CACNA1C: variants seen among roughly 807,000 people sequenced by gnomAD.
CACNA1C encodes the protein calcium voltage-gated channel subunit alpha1 C, also known as voltage-dependent L-type calcium channel subunit alpha-1C.
In CACNA1C, 30 loss-of-function variants were observed where a neutral mutation model predicts 229.0. The observed-to-expected ratio is 0.13, with a 90% CI of 0.10 to 0.18. CACNA1C has a LOEUF of 0.18. Among genes scored for constraint, CACNA1C ranks in the 10% least tolerant of loss-of-function variants. The pLI is 1.00. For missense variants in CACNA1C, 1,658 were observed against 2,845.0 expected (o/e 0.58, Z 9.49); for synonymous variants, 1,114 against 1,132.5 (o/e 0.98, Z 0.33).
intron 39 of CACNA1C, 135 bp downstream of exon 39, chr12:2,674,777 G>T (rs2096719865): frequency 1.2e-6 from 1 of 836,188 alleles, no homozygotes; most frequent in Non-Finnish European, 1.8e-6. Flanking sequence ...CCCTAGGCTT[G>T]CTGGAGGTCT....
intron 9 of CACNA1C, among the ~76,000 whole-genome samples, chr12:2,518,130 G>A (rs951733164): frequency 3.9e-5 from 6 of 152,182 alleles, no homozygotes; most frequent in South Asian, 2.1e-4. Flanking sequence ...GCAGAGCCAC[G>A]TGCCTGCTGC....
intron 3 of CACNA1C, among the ~76,000 whole-genome samples, chr12:2,424,141 A>G (rs879072820): frequency 1.3e-5 from 2 of 152,354 alleles, no homozygotes; most frequent in South Asian, 4.1e-4. Context: ...CAGCGCCACA[A>G]GCTGAGGCTA....
Position 2,077,532 on chromosome 12 carries a change from A to G in CACNA1C, c.49+23921A>G, listed in dbSNP as rs537926771. On this transcript the variant is annotated intron_variant, in intron 1 of 46. Transcript: ENST00000399655. ...ATGTCAGGAACTTTATGTGACTTGT[A>G]TAACTTAATTCTCACAACAACCCTG... is the stretch of plus-strand genomic sequence containing the variant. 2.6e-5 allele frequency among the ~76,000 whole-genome samples: 4 copies of G among 152,262 alleles called. No individual in the cohort carries two copies. In the South Asian group the frequency reaches 8.3e-4, roughly 32 times the overall value.
At chr12:2,135,919 T>G (rs1257815686) in intron 3 of CACNA1C, among the ~76,000 whole-genome samples, 5 of 149,188 alleles carry the variant, frequency 3.4e-5, no homozygotes, top group African/African-American at 1.3e-4. Flanking sequence ...GCTGCCGCCT[T>G]GCAGTTTGAT....
In CACNA1C at chr12:2,226,077, C is replaced by T. The variant is rs371126497; in HGVS notation, c.477+105647C>T. Among the ~76,000 whole-genome samples the T allele has an allele frequency of 2.6e-4, 39 of 150,548 alleles. 1 individual carries two copies. In the South Asian group the frequency reaches 8.0e-3, roughly 31 times the overall value. ...CTAACTAAATTATTTCCTGTGACTTCTTAGAAAAGCTGAACTCCCAAGGTA... is the reference window on the plus strand; with the variant it reads ...CTAACTAAATTATTTCCTGTGACTTTTTAGAAAAGCTGAACTCCCAAGGTA... On this transcript the variant is annotated intron_variant, in intron 3 of 46. Coordinates refer to ENST00000399655, the MANE Select transcript of CACNA1C (RefSeq NM_000719.7).
chr12:2,362,933 C>T lies in CACNA1C; in HGVS notation c.478-86043C>T, dbSNP rs191435127. On this transcript the variant is annotated intron_variant, in intron 3 of 46. Transcript: ENST00000399655. Reference sequence around the variant, plus strand: ...GGATGATAAAAGATGGTTTCTCACCCTAAGGAAATCTCTACATAAAAGAAG... The same window carrying T: ...GGATGATAAAAGATGGTTTCTCACCTTAAGGAAATCTCTACATAAAAGAAG... Among the ~76,000 whole-genome samples, 204 of 152,316 alleles carry T rather than the reference C, an allele frequency of 1.3e-3. 3 individuals carry two copies. The highest frequency in any genetic ancestry group is 0.011 in the Admixed American group (175 of 15,304).
intron 1 of CACNA1C, among the ~76,000 whole-genome samples, chr12:2,017,213 G>GCTAC (rs2045548197): frequency 6.6e-6 from 1 of 152,224 alleles, no homozygotes. Flanking sequence ...AGACTGGGAT[G>GCTAC]GTGGCACTCT....
chr12:1,984,186 C>T (rs2036968579), intron 1 of CACNA1C, among the ~76,000 whole-genome samples: 1 of 151,962 alleles, frequency 6.6e-6, no homozygotes, highest in African/African-American at 2.4e-5. Context: ...TCCAATCTGG[C>T]AATCTCTTTT....
chr12:2,039,559 G>A (rs142187714), intron 1 of CACNA1C, among the ~76,000 whole-genome samples: 169 of 152,274 alleles, frequency 1.1e-3, no homozygotes, highest in African/African-American at 3.9e-3. Flanking sequence ...GTACAACATC[G>A]TTCTTGCCCT....
intron 3 of CACNA1C, among the ~76,000 whole-genome samples, chr12:2,256,072 T>TAGTTTACAACCACACGACCCTGACCTG: frequency 1.5e-4 from 1 of 6,784 alleles, no homozygotes; most frequent in South Asian, 5.1e-3. Flanking sequence ...ATCCTGACCT[T>TAGTTTACAACCACACGACCCTGACCTG]ACTAGTTTAC....
At chr12:2,292,399 C>G (rs537439971) in intron 3 of CACNA1C, among the ~76,000 whole-genome samples, 3 of 152,124 alleles carry the variant, frequency 2.0e-5, no homozygotes, top group Non-Finnish European at 4.4e-5. Context: ...AAACAGAGCA[C>G]GTTTGTTGAT....
chr12:1,985,707 G>A (rs1025195091), intron 1 of CACNA1C, among the ~76,000 whole-genome samples: 1 of 152,198 alleles, frequency 6.6e-6, no homozygotes, highest in African/African-American at 2.4e-5. Context: ...ACCCTCCAGA[G>A]AATGTTCACT....
intron 1 of CACNA1C, among the ~76,000 whole-genome samples, chr12:2,017,138 A>G (rs2045535330): frequency 6.6e-6 from 1 of 152,210 alleles, no homozygotes; most frequent in East Asian, 1.9e-4. Flanking sequence ...TACAATTTAG[A>G]AAATTGGAAA....
At chr12:2,457,784 C>A in intron 5 of CACNA1C, 78 bp downstream of exon 5, 2 of 1,263,056 alleles carry the variant, frequency 1.6e-6, no homozygotes, top group Non-Finnish European at 2.1e-6. Flanking sequence ...GCCAAGAACA[C>A]TCTGCAAAGG....
intron 6 of CACNA1C, among the ~76,000 whole-genome samples, chr12:2,491,445 G>A (rs956918824): frequency 6.6e-6 from 1 of 151,092 alleles, no homozygotes; most frequent in African/African-American, 2.4e-5. Context: ...AGGAGGAGGA[G>A]GAAAAGGAGG....
chr12:2,526,906 G>C (rs1419597250), intron 9 of CACNA1C, among the ~76,000 whole-genome samples: 1 of 152,300 alleles, frequency 6.6e-6, no homozygotes, highest in Non-Finnish European at 1.5e-5. Context: ...AAGATCTGCA[G>C]GGCCGAGCCA....
chr12:2,613,855 G>A (rs1298324609), intron 29 of CACNA1C: 6 of 152,650 alleles, frequency 3.9e-5, no homozygotes, highest in Non-Finnish European at 8.8e-5. Flanking sequence ...CCTCAGTCTC[G>A]GATGACTCCT....
chr12:2,342,087 A>G, intron 3 of CACNA1C, among the ~76,000 whole-genome samples: 1 of 152,188 alleles, frequency 6.6e-6, no homozygotes, highest in East Asian at 1.9e-4. Context: ...AGAGTAGAGA[A>G]ATAGGATGAC....
intron 29 of CACNA1C, among the ~76,000 whole-genome samples, chr12:2,624,531 T>G (rs1046011127): frequency 6.6e-6 from 1 of 152,242 alleles, no homozygotes; most frequent in Non-Finnish European, 1.5e-5. Flanking sequence ...AATATTCACA[T>G]TGAAGAACTT....
Sources: allele counts gnomAD v4.1 joint callset (sites outside exome capture counted in the v4.1 genomes callset), GRCh38; gene constraint gnomAD v4.1.1; transcripts MANE v1.5; gene names NCBI Gene and HGNC (gene_info 2026-07-23, HGNC 2026-07-21).